The following CTDSP1 variants were observed in gnomAD, a reference collection of about 807,000 sequenced individuals.
The protein encoded by CTDSP1 is CTD small phosphatase 1.
A neutral mutation model predicts 32.5 loss-of-function variants in CTDSP1; 15 were observed. The ratio of observed to expected loss-of-function variants is 0.46; its 90% CI spans 0.31 to 0.71. CTDSP1 has a LOEUF of 0.71. Ranked by LOEUF, CTDSP1 falls within the 30% of genes least tolerant of loss-of-function variation. The pLI is 0.05. For synonymous variants in CTDSP1, 185 were observed against 145.4 expected (o/e 1.27, Z -1.96); for missense variants, 294 against 351.1 (o/e 0.84, Z 1.30).
chr2:218,400,231 G>A, intron 1 of CTDSP1, 74 bp downstream of exon 1: 1 of 1,386,668 alleles, frequency 7.2e-7, no homozygotes, highest in Non-Finnish European at 9.7e-7. Context: ...TCTTCCCCAG[G>A]GGAGCCGCCG....
chr2:218,402,792 A>G, intron 4 of CTDSP1: 2 of 702,064 alleles, frequency 2.8e-6, no homozygotes, highest in Non-Finnish European at 2.7e-6. Flanking sequence ...AGGCAGGGGA[A>G]GGGATTGGGA....
intron 1 of CTDSP1, chr2:218,400,569 T>G (rs1574794161): frequency 2.8e-6 from 1 of 353,950 alleles, no homozygotes; most frequent in Non-Finnish European, 5.5e-6. Flanking sequence ...CGGGCTGCGG[T>G]CCGGTAGGGT....
chr2:218,401,659 C>A lies in CTDSP1; in HGVS notation c.163C>A (p.Pro55Thr). ...CVCRDDGEAL[P>T]AHSGAPLLVE... ...CTGCCGGGATGATGGGGAGGCCCTG[C>A]CTGCTCACAGCGGGGCGCCCCTGCT... The change falls in exon 2 of 7, where the codon CCT (proline) becomes ACT (threonine). Residue 55 changes from proline (P) to threonine (T), a missense_variant. Coordinates refer to ENST00000273062, the MANE Select transcript of CTDSP1 (RefSeq NM_021198.3). 6.2e-7 allele frequency: 1 copy of A among 1,610,866 alleles called. No individual in the cohort carries two copies. Among genetic ancestry groups the A allele is most frequent in the South Asian group, 1.1e-5 (1 of 90,764 alleles).
At chr2:218,399,816 G>A (rs1559133905), upstream of CTDSP1, 2 of 1,164,424 alleles carry the variant, frequency 1.7e-6, no homozygotes, top group East Asian at 8.0e-5. Context: ...TCACGCCGAA[G>A]CCGTTGCCCT....
chr2:218,398,542 G>C (rs1191075493), upstream of CTDSP1: 4 of 1,239,650 alleles, frequency 3.2e-6, no homozygotes, highest in South Asian at 6.5e-5. Flanking sequence ...AAGCCGCCGC[G>C]CCTTCTGGCA....
chr2:218,401,850 C>T (rs1363185517), intron 2 of CTDSP1, 138 bp downstream of exon 2: 3 of 809,252 alleles, frequency 3.7e-6, no homozygotes, highest in South Asian at 3.7e-5. Flanking sequence ...GCAGCCTCCC[C>T]TGCCAGGCCC....
chr2:218,398,437 CAGG>C, upstream of CTDSP1: 1 of 1,534,702 alleles, frequency 6.5e-7, no homozygotes. Flanking sequence ...GTGGGCTACC[CAGG>C]AGCAGGAGGA....
intron 2 of CTDSP1, 123 bp downstream of exon 2, chr2:218,401,835 G>T (rs1697160317): frequency 2.0e-6 from 2 of 1,003,806 alleles, no homozygotes; most frequent in Non-Finnish European, 2.8e-6. Flanking sequence ...CAGAGTAGGA[G>T]GGTGGCAGCC....
upstream of CTDSP1, chr2:218,398,469 C>G (rs1033168285): frequency 1.3e-6 from 2 of 1,528,570 alleles, no homozygotes; most frequent in Non-Finnish European, 1.7e-6. Context: ...GGATCCAGCC[C>G]GGGGACCGGG....
chr2:218,402,577 G>C (rs952847530), intron 4 of CTDSP1, 172 bp downstream of exon 4: 15 of 786,304 alleles, frequency 1.9e-5, no homozygotes, highest in Admixed American at 1.4e-4. Flanking sequence ...GGCTTGTGCT[G>C]ACTCCAAGCC....
At chr2:218,398,326 C>A (rs553183943), upstream of CTDSP1, 25 of 1,249,804 alleles carry the variant, frequency 2.0e-5, no homozygotes, top group African/African-American at 3.2e-4. Context: ...GGAGGCCGTT[C>A]TAAGGGGTAA....
chr2:218,401,625 C>T lies in CTDSP1; in HGVS notation c.129C>T (p.Phe43=), dbSNP rs373019518. The T allele has an allele frequency of 1.9e-6, 3 of 1,613,712 alleles. No individual in the cohort carries two copies. Among genetic ancestry groups the T allele is most frequent in the Non-Finnish European group, 2.5e-6 (3 of 1,179,842 alleles). The part of the protein sequence containing the change: ...PRSRGILHSL[F]CCVCRDDGEA... ...GCCGGGGCATCCTCCACTCACTCTT[C>T]TGCTGTGTCTGCCGGGATGATGGGG... The change falls in exon 2 of 7, where the codon TTC becomes TTT. Residue 43 remains phenylalanine (F), a synonymous_variant. Transcript: ENST00000273062.
intron 1 of CTDSP1, chr2:218,401,345 A>G: frequency 1.7e-6 from 1 of 590,440 alleles, no homozygotes; most frequent in South Asian, 2.0e-5. Flanking sequence ...GCGCCTTAAT[A>G]CCTGCTAGAC....
At chr2:218,397,916 C>A (rs1696903884), upstream of CTDSP1, among the ~76,000 whole-genome samples, 1 of 152,188 alleles carries the variant, frequency 6.6e-6, no homozygotes, top group South Asian at 2.1e-4. Flanking sequence ...AAGAACTGCA[C>A]GGGCAACGGC....
rs896495238 is a variant in CTDSP1, at chr2:218,404,855, C to T, written c.*430C>T. 1 of 159,556 alleles carries T rather than the reference C, an allele frequency of 6.3e-6. No homozygotes were observed. The highest frequency in any genetic ancestry group is 2.4e-5 in the African/African-American group (1 of 41,630). The allele number at this position is 159,556 out of a possible 1,614,324, so 9.9% of individuals were successfully genotyped here. ...ATAGAGCCCCCTCTTCCCCGCCCAGCTTTCCCAGGGGCACAGCTCTAGGCT... is the reference window on the plus strand; with the variant it reads ...ATAGAGCCCCCTCTTCCCCGCCCAGTTTTCCCAGGGGCACAGCTCTAGGCT... On this transcript the variant is annotated 3_prime_UTR_variant, in exon 7 of 7. Transcript: ENST00000273062.
In CTDSP1 at chr2:218,404,612, G is replaced by C. The variant is rs566623690; in HGVS notation, c.*187G>C. On this transcript the variant is annotated 3_prime_UTR_variant, in exon 7 of 7. Coordinates refer to ENST00000273062, the MANE Select transcript of CTDSP1 (RefSeq NM_021198.3). ...GGCAGCAGGCTGCACTGAGGACCGTGAGCTCCAGGCCCCGTGTCAGTGCCT... is the reference window on the plus strand; with the variant it reads ...GGCAGCAGGCTGCACTGAGGACCGTCAGCTCCAGGCCCCGTGTCAGTGCCT... The C allele has an allele frequency of 2.3e-5, 15 of 645,674 alleles. No homozygotes were observed. In the African/African-American group the frequency reaches 2.7e-4, roughly 12 times the overall value. The allele number at this position is 645,674 out of a possible 1,614,324, so 40.0% of individuals were successfully genotyped here.
chr2:218,398,301 G>GA (rs1696926030), upstream of CTDSP1: 2 of 978,274 alleles, frequency 2.0e-6, no homozygotes, highest in Non-Finnish European at 1.5e-6. Context: ...CCTCATCTGT[G>GA]AAATGGGTTA....
intron 1 of CTDSP1, chr2:218,400,539 AC>A (rs1299676984): frequency 5.1e-5 from 17 of 334,890 alleles, no homozygotes; most frequent in East Asian, 1.6e-4. Context: ...ACTCCGCCCC[AC>A]CCCCCACCCC....
chr2:218,398,445 G>A (rs769186152), upstream of CTDSP1: 32 of 1,534,224 alleles, frequency 2.1e-5, no homozygotes, highest in Admixed American at 2.4e-4. Context: ...CCCAGGAGCA[G>A]GAGGAGGGCC....
Sources: gnomAD v4.1 joint callset for allele counts (sites outside exome capture counted in the v4.1 genomes callset) on GRCh38, gnomAD v4.1.1 for gene constraint, MANE v1.5 for transcripts, NCBI Gene and HGNC (gene_info 2026-07-23, HGNC 2026-07-21) for gene names.